The following FGD6 variants were observed in gnomAD, a reference collection of about 807,000 sequenced individuals.
FGD6 encodes FYVE, RhoGEF and PH domain-containing protein 6.
FGD6 carries 90 observed loss-of-function variants against 149.4 expected under a neutral mutation model. The observed-to-expected ratio is 0.60, with a 90% CI of 0.51 to 0.72. FGD6 has a LOEUF of 0.72. Among genes scored for constraint, FGD6 ranks in the 30% least tolerant of loss-of-function variants. The pLI is 0.00. For synonymous variants in FGD6, 527 were observed against 584.0 expected (o/e 0.90, Z 1.41); for missense variants, 1,437 against 1,684.8 (o/e 0.85, Z 2.57).
chr12:95,154,923 C>T (rs527332672), intron 3 of FGD6, among the ~76,000 whole-genome samples: 1 of 134,330 alleles, frequency 7.4e-6, no homozygotes, highest in East Asian at 2.2e-4. Context: ...TATGTTAGTT[C>T]TTCATTTGGG....
chr12:95,103,900 G>A (rs888166531), intron 14 of FGD6, among the ~76,000 whole-genome samples: 4 of 152,250 alleles, frequency 2.6e-5, no homozygotes, highest in African/African-American at 2.4e-5. Flanking sequence ...ATATGTATCC[G>A]TAAGACAGCA....
At chr12:95,143,025 A>G (rs532917843) in intron 5 of FGD6, among the ~76,000 whole-genome samples, 87 of 152,336 alleles carry the variant, frequency 5.7e-4, no homozygotes, top group East Asian at 2.7e-3. Context: ...TAAGTAAAAC[A>G]GAGTGAAATC....
At chr12:95,138,125 AC>A (rs1450255135) in intron 6 of FGD6, among the ~76,000 whole-genome samples, 1 of 151,826 alleles carries the variant, frequency 6.6e-6, no homozygotes, top group Non-Finnish European at 1.5e-5. Flanking sequence ...AATTGTTTGA[AC>A]CCGGGAGGGG....
At chr12:95,164,782 A>G (rs1301417990) in intron 3 of FGD6, among the ~76,000 whole-genome samples, 2 of 152,120 alleles carry the variant, frequency 1.3e-5, no homozygotes, top group African/African-American at 2.4e-5. Context: ...ATCCTACTCT[A>G]GAGTTCTAAT....
chr12:95,129,512 C>T (rs1879455719), intron 8 of FGD6, among the ~76,000 whole-genome samples: 1 of 152,192 alleles, frequency 6.6e-6, no homozygotes, highest in African/African-American at 2.4e-5. Context: ...TAAAGATGGT[C>T]TCTACCCGGA....
intron 14 of FGD6, among the ~76,000 whole-genome samples, chr12:95,097,129 A>G (rs936796597): frequency 6.6e-6 from 1 of 152,158 alleles, no homozygotes; most frequent in Non-Finnish European, 1.5e-5. Context: ...TTGATAACAC[A>G]TTTCTCACAG....
chr12:95,134,294 C>T (rs1000984319), intron 8 of FGD6, among the ~76,000 whole-genome samples: 2 of 152,080 alleles, frequency 1.3e-5, no homozygotes, highest in South Asian at 2.1e-4. Flanking sequence ...CCACATTTAG[C>T]TCATTAATCA....
At position 95,108,489 on chromosome 12, in the gene FGD6, A is replaced by G; in HGVS notation, c.3192+14T>C. 6.2e-7 allele frequency: 1 copy of G among 1,614,116 alleles called. No individual in the cohort carries two copies. Among genetic ancestry groups the G allele is most frequent in the Non-Finnish European group, 8.5e-7 (1 of 1,180,000 alleles). ...GTTCAAGACCACACCAGCCACTGAC[A>G]ACAAGACACTTACTCCTTGCTTCAT... On this transcript the variant is annotated intron_variant, in intron 10 of 20. Transcript: ENST00000343958.
intron 2 of FGD6, among the ~76,000 whole-genome samples, chr12:95,192,802 TTC>T (rs1277928771): frequency 1.3e-5 from 2 of 152,124 alleles, no homozygotes; most frequent in African/African-American, 2.4e-5. Flanking sequence ...AGATGAAAAA[TTC>T]TCTGTCTGGG....
At position 95,159,481 on chromosome 12, in the gene FGD6, T is replaced by C. The variant is rs200206453; in HGVS notation, c.2587-6488A>G. 3.9e-5 allele frequency among the ~76,000 whole-genome samples: 6 copies of C among 151,966 alleles called. No individual in the cohort carries two copies. The East Asian group carries it at 7.7e-4, about 20-fold the overall frequency. ...ATTAAGAAGATAAAAAGATAAACCATAGACTGGAGAAAATATTCGCAAATC... is the reference window on the plus strand; with the variant it reads ...ATTAAGAAGATAAAAAGATAAACCACAGACTGGAGAAAATATTCGCAAATC... On this transcript the variant is annotated intron_variant, in intron 3 of 20. Transcript: ENST00000343958.
intron 8 of FGD6, among the ~76,000 whole-genome samples, chr12:95,121,464 GATATATATATATAT>G (rs367593135): frequency 1.4e-5 from 1 of 71,334 alleles, no homozygotes; most frequent in Non-Finnish European, 2.5e-5. Context: ...AAAAAAAAAA[GATATATATATATAT>G]ATGTATATAT....
intron 9 of FGD6, among the ~76,000 whole-genome samples, chr12:95,112,564 C>T (rs558466039): frequency 1.3e-5 from 2 of 152,294 alleles, no homozygotes; most frequent in East Asian, 1.9e-4. Context: ...CGTGCCACTG[C>T]ACTCCAGCCT....
At chr12:95,094,720 A>C (rs1878183024) in intron 14 of FGD6, 26 bp from the exon 15 acceptor site, 8 of 1,521,170 alleles carry the variant, frequency 5.3e-6, no homozygotes, top group African/African-American at 1.4e-5. Flanking sequence ...GGTTTCATCA[A>C]CCAGATGTCA....
At chr12:95,214,861 C>CTTTTT (rs1171146305) in intron 1 of FGD6, among the ~76,000 whole-genome samples, 1 of 129,218 alleles carries the variant, frequency 7.7e-6, no homozygotes, top group Non-Finnish European at 1.6e-5. Flanking sequence ...CTCCTTTTTT[C>CTTTTT]TTTTTTTTTT....
In FGD6 at chr12:95,129,102, G is replaced by A. The variant is rs74681128; in HGVS notation, c.3082+5637C>T. 9.2e-3 allele frequency among the ~76,000 whole-genome samples: 1,399 copies of A among 152,224 alleles called. 21 individuals are homozygous for A. Among genetic ancestry groups the A allele is most frequent in the African/African-American group, 0.032 (1,325 of 41,528 alleles). ...AAATGGCGTGAGTTTAGAAGGGCCT[G>A]GCCTGGAGCCTAACAGAGAAATAGA... is the stretch of plus-strand genomic sequence containing the variant. On this transcript the variant is annotated intron_variant, in intron 8 of 20. Transcript: ENST00000343958.
At position 95,209,553 on chromosome 12, in the gene FGD6, T is replaced by C. The variant is rs779910473; in HGVS notation, c.1731A>G (p.Ser577=). ...CAGACTTTAAGAATTCTGGGTTCCCTGAAAAGGGTAAAATAGGATGAGGTA... is the reference window on the plus strand; with the variant it reads ...CAGACTTTAAGAATTCTGGGTTCCCCGAAAAGGGTAAAATAGGATGAGGTA... ...WKLPHPILPF[S]GNPEFLKSVT... is the part of the protein sequence containing the mutation. Residue 577 remains serine (S), a synonymous_variant, in exon 2 of 21, where the codon TCA becomes TCG. Transcript: ENST00000343958. 2 of 1,614,010 alleles carry C rather than the reference T, an allele frequency of 1.2e-6. No individual in the cohort carries two copies. Among genetic ancestry groups the C allele is most frequent in the South Asian group, 2.2e-5 (2 of 91,076 alleles).
chr12:95,184,576 T>A (rs992999748), intron 2 of FGD6, among the ~76,000 whole-genome samples: 1 of 112,956 alleles, frequency 8.9e-6, no homozygotes, highest in Non-Finnish European at 1.7e-5. Flanking sequence ...GATTTCTTCC[T>A]GCACGTTTTT....
intron 15 of FGD6, 40 bp from the exon 16 acceptor site, chr12:95,092,885 C>A: frequency 6.4e-7 from 1 of 1,569,496 alleles, no homozygotes; most frequent in Non-Finnish European, 8.7e-7. Context: ...TCCATGCACA[C>A]TGCCTGCCTT....
chr12:95,199,781 T>A (rs984973446), intron 2 of FGD6, among the ~76,000 whole-genome samples: 11 of 152,106 alleles, frequency 7.2e-5, no homozygotes, highest in Non-Finnish European at 2.9e-5. Context: ...ATTTTTGTAT[T>A]TTTAGTAGAG....
Sources: gnomAD v4.1 joint callset for allele counts (sites outside exome capture counted in the v4.1 genomes callset) on GRCh38, gnomAD v4.1.1 for gene constraint, MANE v1.5 for transcripts, NCBI Gene and HGNC (gene_info 2026-07-23, HGNC 2026-07-21) for gene names.